PSG2: variants seen among roughly 807,000 people sequenced by gnomAD.
PSG2 encodes the protein pregnancy-specific beta-1-glycoprotein 2.
PSG2 carries 49 observed loss-of-function variants against 36.2 expected under a neutral mutation model. That is an observed-to-expected ratio of 1.35 (90% CI 1.08 to 1.72). The LOEUF is 1.72. Ranked by LOEUF, PSG2 falls within the 40% of genes most tolerant of loss-of-function variation. The probability of loss-of-function intolerance (pLI) is 0.00; values close to 1 mark genes in which losing one functional copy is unlikely to be tolerated. For missense variants in PSG2, 605 were observed against 407.2 expected (o/e 1.49, Z -4.18); for synonymous variants, 261 against 155.6 (o/e 1.68, Z -5.04).
At chr19:43,077,980 T>A (rs1307000863) in intron 2 of PSG2, among the ~76,000 whole-genome samples, 2 of 151,686 alleles carry the variant, frequency 1.3e-5, no homozygotes, top group Non-Finnish European at 2.9e-5. Context: ...ATGTGAGCTC[T>A]ATAGCAGGTT....
chr19:43,074,489 T>G (rs1474588763), intron 3 of PSG2, among the ~76,000 whole-genome samples: 9 of 151,742 alleles, frequency 5.9e-5, no homozygotes, highest in Admixed American at 5.9e-4. Context: ...TTAATTTCCT[T>G]TCAGATTGTT....
chr19:43,070,512 C>A (rs951044458), intron 4 of PSG2, among the ~76,000 whole-genome samples: 3 of 151,624 alleles, frequency 2.0e-5, no homozygotes, highest in East Asian at 1.9e-4. Context: ...TGTTATTCAA[C>A]CTTAACAAGG....
intron 4 of PSG2, among the ~76,000 whole-genome samples, chr19:43,067,007 G>A (rs1178081395): frequency 1.3e-5 from 2 of 151,242 alleles, no homozygotes; most frequent in Non-Finnish European, 2.9e-5. Flanking sequence ...GAAGGCCCAG[G>A]TCAGTGCATT....
intron 2 of PSG2, among the ~76,000 whole-genome samples, chr19:43,078,599 A>G (rs1021924077): frequency 1.3e-5 from 2 of 151,564 alleles, no homozygotes; most frequent in South Asian, 2.1e-4. Context: ...CTCCGCCCGC[A>G]TGATTCCATC....
At chr19:43,068,257 A>T (rs1967767931) in intron 4 of PSG2, among the ~76,000 whole-genome samples, 1 of 151,298 alleles carries the variant, frequency 6.6e-6, no homozygotes, top group South Asian at 2.1e-4. Flanking sequence ...TAACCTGGGG[A>T]GACGCTGTGT....
At position 43,075,412 on chromosome 19, in the gene PSG2, A is replaced by G; in HGVS notation, c.651T>C (p.Cys217=). Residue 217 remains cysteine, a synonymous_variant, in exon 3 of 6, where the codon TGT becomes TGC. Transcript: ENST00000406487. ...VTKYTAGPYE[C]EIRNSGSASR... ...TGGCACTCCCTGAGTTCCGTATTTC[A>G]CATTCATAGGGTCCTGCAGTATACT... 2 of 1,613,158 alleles carry G rather than the reference A, an allele frequency of 1.2e-6. No homozygotes were observed. The highest frequency in any genetic ancestry group is 1.7e-6 in the Non-Finnish European group (2 of 1,179,666).
chr19:43,082,521 C>T lies in PSG2; in HGVS notation c.49G>A (p.Gly17Arg). Residue 17 changes from glycine to arginine, a missense_variant, in exon 1 of 6, where the codon GGG becomes AGG. By Grantham distance (125) the Gly-to-Arg change is moderately radical. Coordinates refer to ENST00000406487, the MANE Select transcript of PSG2 (RefSeq NM_031246.4). ...CTCTCCTCACCTGTGACCAGGAGCC[C>T]CTTCCATTTGATGTGCTCTGTGCAG... ...PPCTEHIKWK[G>R]LLVTASLLNF... 6.2e-7 allele frequency: 1 copy of T among 1,612,008 alleles called. No individual in the cohort carries two copies. Among genetic ancestry groups the T allele is most frequent in the Non-Finnish European group, 8.5e-7 (1 of 1,179,068 alleles).
intron 3 of PSG2, chr19:43,072,298 C>A (rs748863655): frequency 6.2e-7 from 1 of 1,604,032 alleles, no homozygotes; most frequent in African/African-American, 1.3e-5. Flanking sequence ...GGCCTGGCCC[C>A]TGGTCATTTG....
rs2122903214 is a variant in PSG2, at chr19:43,072,486, T to C, written c.710-532A>G. 12 of 1,611,364 alleles carry C rather than the reference T, an allele frequency of 7.4e-6. No individual in the cohort carries two copies. The South Asian group carries it at 1.1e-4, about 15-fold the overall frequency. On this transcript the variant is annotated intron_variant, in intron 3 of 5. Transcript: ENST00000406487. ...CTGTTTTCAATGGGTCGCTTTACCC[T>C]GGGACTGACCGGGAGGCTCTGACCA...
At chr19:43,070,360 T>A (rs1218349486) in intron 4 of PSG2, among the ~76,000 whole-genome samples, 1 of 151,630 alleles carries the variant, frequency 6.6e-6, no homozygotes, top group East Asian at 1.9e-4. Flanking sequence ...ATACTCCCCA[T>A]AGAATTGAAA....
chr19:43,075,422 G>C lies in PSG2; in HGVS notation c.641C>G (p.Pro214Arg). The part of the protein sequence containing the change: ...LFGVTKYTAG[P>R]YECEIRNSGS... ...TGAGTTCCGTATTTCACATTCATAG[G>C]GTCCTGCAGTATACTTTGTGACACC... is the stretch of plus-strand genomic sequence containing the variant. Residue 214 changes from proline (P) to arginine (R), a missense_variant, in exon 3 of 6, where the codon CCC becomes CGC. Pro to Arg is a moderately radical substitution (Grantham distance 103). Coordinates refer to ENST00000406487, the MANE Select transcript of PSG2 (RefSeq NM_031246.4). The C allele has an allele frequency of 1.9e-6, 3 of 1,613,128 alleles. No individual in the cohort carries two copies. Among genetic ancestry groups the C allele is most frequent in the South Asian group, 1.1e-5 (1 of 91,040 alleles).
chr19:43,072,930 A>T (rs575139011), intron 3 of PSG2, among the ~76,000 whole-genome samples: 2 of 151,772 alleles, frequency 1.3e-5, no homozygotes, highest in South Asian at 4.2e-4. Context: ...GTCTCTCCCT[A>T]ATCAGTTGAC....
In PSG2 at chr19:43,076,395, C is replaced by G. The variant is rs1458575627; in HGVS notation, c.431-763G>C. ...AATGCTCCCTTCCCCCTGTAGAGGG[C>G]AGGTGAGGACGATGTGGACCTTTCT... is the stretch of plus-strand genomic sequence containing the variant. On this transcript the variant is annotated intron_variant, in intron 2 of 5. Transcript: ENST00000406487. 1.3e-5 allele frequency among the ~76,000 whole-genome samples: 2 copies of G among 151,794 alleles called. 1 individual carries two copies. The highest frequency in any genetic ancestry group is 4.9e-5 in the African/African-American group (2 of 41,140).
At chr19:43,072,706 C>A in intron 3 of PSG2, 2 of 1,576,990 alleles carry the variant, frequency 1.3e-6, no homozygotes, top group Non-Finnish European at 8.6e-7. Flanking sequence ...ATCAGAGTTA[C>A]CATCTCCCAC....
In PSG2 at chr19:43,069,998, C is replaced by T. The variant is rs967980816; in HGVS notation, c.964+1702G>A. Among the ~76,000 whole-genome samples, 29 of 151,722 alleles carry T rather than the reference C, an allele frequency of 1.9e-4. 1 individual carries two copies. The highest frequency in any genetic ancestry group is 5.8e-4 in the African/African-American group (24 of 41,164). On this transcript the variant is annotated intron_variant, in intron 4 of 5. Transcript: ENST00000406487. Reference sequence around the variant, plus strand: ...CTACAAGTCAACAACAGCAAACATCCGAAAACCCAATTAAAAAATGAACAA... The same window carrying T: ...CTACAAGTCAACAACAGCAAACATCTGAAAACCCAATTAAAAAATGAACAA...
At chr19:43,073,890 G>A (rs1321385017) in intron 3 of PSG2, among the ~76,000 whole-genome samples, 1 of 151,712 alleles carries the variant, frequency 6.6e-6, no homozygotes, top group Non-Finnish European at 1.5e-5. Flanking sequence ...TCCCAAATCT[G>A]AAAGATTCAA....
At chr19:43,076,354 C>T (rs1490774819) in intron 2 of PSG2, among the ~76,000 whole-genome samples, 1 of 151,652 alleles carries the variant, frequency 6.6e-6, no homozygotes, top group East Asian at 1.9e-4. Flanking sequence ...GACCATGTGC[C>T]CTGTTCTGGG....
intron 3 of PSG2, among the ~76,000 whole-genome samples, chr19:43,073,316 A>G (rs533900480): frequency 9.9e-5 from 15 of 151,888 alleles, no homozygotes; most frequent in African/African-American, 3.4e-4. Context: ...AGTGAAGGGG[A>G]TAGGCAAGAG....
intron 5 of PSG2, 38 bp from the exon 6 acceptor site, chr19:43,064,639 A>AAGT: frequency 1.7e-6 from 1 of 590,116 alleles, no homozygotes; most frequent in African/African-American, 1.9e-5. Context: ...AGGTGATTGT[A>AAGT]AGTAGTTTGA....
Sources: gnomAD v4.1 joint callset for allele counts (sites outside exome capture counted in the v4.1 genomes callset) on GRCh38, gnomAD v4.1.1 for gene constraint, MANE v1.5 for transcripts, NCBI Gene and HGNC (gene_info 2026-07-23, HGNC 2026-07-21) for gene names.